The following ACSM3 variants were observed in gnomAD, a reference collection of about 807,000 sequenced individuals.
ACSM3 encodes acyl-coenzyme A synthetase ACSM3, mitochondrial.
Under a neutral mutation model 74.1 loss-of-function variants are expected in ACSM3, and 61 were observed. That is an observed-to-expected ratio of 0.82 (90% CI 0.67 to 1.02). ACSM3 has a LOEUF of 1.02. ACSM3 is among the 50% of genes least tolerant of loss of function. The pLI is 0.00. For missense variants in ACSM3, 660 were observed against 697.0 expected, an observed-to-expected ratio of 0.95 and a Z score of 0.60; for synonymous variants, 213 against 241.5, an observed-to-expected ratio of 0.88 and a Z score of 1.09.
chr16:20,792,122 TCCTCTGGGTAA>T lies in ACSM3; in HGVS notation c.1449_1454+5del. 6.2e-7 allele frequency: 1 copy of T among 1,614,166 alleles called. No homozygotes were observed. Among genetic ancestry groups the T allele is most frequent in the South Asian group, 1.1e-5 (1 of 91,090 alleles). ...TGCAAGAGCAGATGATGTCATATTA[TCCTCTGGGTAA>T]CTTTCTTTTCCATATGTGCATATGT... On this transcript the variant is annotated splice_donor_variant and splice_donor_region_variant and coding_sequence_variant and intron_variant, in exon 11 of 14. Coordinates refer to ENST00000289416, the MANE Select transcript of ACSM3 (RefSeq NM_005622.4). LOFTEE classifies it high-confidence loss of function.
intron 7 of ACSM3, among the ~76,000 whole-genome samples, chr16:20,783,893 C>A (rs910320256): frequency 6.6e-6 from 1 of 152,024 alleles, no homozygotes; most frequent in African/African-American, 2.4e-5. Flanking sequence ...CTGCAACCTC[C>A]GCCTCCTGTT....
At chr16:20,753,214 C>T (rs1397854280) in intron 2 of ACSM3, among the ~76,000 whole-genome samples, 1 of 151,584 alleles carries the variant, frequency 6.6e-6, no homozygotes, top group African/African-American at 2.4e-5. Flanking sequence ...CCTGTAATCC[C>T]AGCACTTTGG....
intron 1 of ACSM3, chr16:20,736,902 G>T: frequency 6.2e-7 from 1 of 1,614,030 alleles, no homozygotes; most frequent in South Asian, 1.1e-5. Flanking sequence ...ATTTTCATTT[G>T]ACTTGGATCC....
chr16:20,796,918 C>A lies in ACSM3; in HGVS notation c.1707C>A (p.Ile569=). ...TTATTCAAGAGCTGCCAAAGACTAT[C>A]AGTGGGAAGACAAAAAGAAATGAAC... ...VEFIQELPKT[I]SGKTKRNELR... The change falls in exon 14 of 14, where the codon ATC becomes ATA. Residue 569 remains isoleucine (I), a synonymous_variant. Transcript: ENST00000289416. 2 of 1,612,596 alleles carry A rather than the reference C, an allele frequency of 1.2e-6. No individual in the cohort carries two copies. The highest frequency in any genetic ancestry group is 1.7e-6 in the Non-Finnish European group (2 of 1,179,398).
At chr16:20,781,663 T>C (rs560395088) in intron 6 of ACSM3, 45 bp from the exon 7 acceptor site, 38 of 1,411,442 alleles carry the variant, frequency 2.7e-5, no homozygotes, top group Middle Eastern at 3.5e-4. Context: ...TAAGCACTTA[T>C]TTAAGTTGTA....
chr16:20,768,853 G>A (rs552050240), intron 1 of ACSM3, among the ~76,000 whole-genome samples: 1 of 152,206 alleles, frequency 6.6e-6, no homozygotes, highest in East Asian at 1.9e-4. Flanking sequence ...GAAACCAGAT[G>A]GTGTCAGAGG....
chr16:20,760,554 T>C (rs893197532), upstream of ACSM3, among the ~76,000 whole-genome samples: 2 of 152,172 alleles, frequency 1.3e-5, no homozygotes, highest in South Asian at 2.1e-4. Context: ...CCTAAACTTA[T>C]CGGTCTTGTG....
chr16:20,724,413 A>C (rs1265269253), intron 1 of ACSM3, among the ~76,000 whole-genome samples: 2 of 152,232 alleles, frequency 1.3e-5, no homozygotes, highest in African/African-American at 4.8e-5. Flanking sequence ...ACAAACCCAC[A>C]GCCAATATCA....
chr16:20,706,111 TA>T (rs1021684822), intron 1 of ACSM3, among the ~76,000 whole-genome samples: 3 of 151,678 alleles, frequency 2.0e-5, no homozygotes, highest in African/African-American at 7.3e-5. Context: ...TGTGTATACA[TA>T]AAAATTGGAG....
intron 1 of ACSM3, among the ~76,000 whole-genome samples, chr16:20,723,294 T>C (rs888637700): frequency 3.6e-4 from 55 of 152,230 alleles, no homozygotes; most frequent in African/African-American, 1.3e-3. Context: ...TGTTGGACAT[T>C]TGGGTTGGTT....
rs745398797 is a variant in ACSM3 at position 20,790,557 on chromosome 16, C to A, written c.1225-30C>A. 2.0e-5 allele frequency: 31 copies of A among 1,576,356 alleles called. No homozygotes were observed. The Admixed American group carries it at 5.5e-4, about 28-fold the overall frequency. On this transcript the variant is annotated intron_variant, in intron 9 of 13. Transcript: ENST00000289416. The surrounding 1 kb of genome is among the most constrained non-coding windows in gnomAD (Gnocchi z 4.0). The stretch of plus-strand genomic sequence containing the variant: ...AAGCTGCGACATTAAACAAAAATTT[C>A]CTTAAATAAATTGTTCTATTTTATC...
chr16:20,781,053 G>GT lies in ACSM3; in HGVS notation c.868dup (p.Ser290PhefsTer18), dbSNP rs772738496. On this transcript the variant is annotated frameshift_variant, in exon 6 of 14. Transcript: ENST00000289416. LOFTEE classifies it high-confidence loss of function. ...CTGGGCAAAGTCTGCATGGAGTAGTGTTTTTTCTCCGTGGATCCAGGGAGC... is the reference window on the plus strand; with the variant it reads ...CTGGGCAAAGTCTGCATGGAGTAGTGTTTTTTTCTCCGTGGATCCAGGGAGC... The GT allele has an allele frequency of 3.7e-6, 6 of 1,614,038 alleles. No homozygotes were observed. The highest frequency in any genetic ancestry group is 1.3e-5 in the African/African-American group (1 of 74,916).
chr16:20,729,198 A>C (rs1567326212), intron 1 of ACSM3: 1 of 742,340 alleles, frequency 1.3e-6, no homozygotes, highest in East Asian at 2.6e-5. Context: ...TTCTGACCAA[A>C]CTAATCCCCA....
At position 20,729,151 on chromosome 16, in the gene ACSM3, T is replaced by C. The variant is rs1264627607; in HGVS notation, c.-189-20759T>C. On this transcript the variant is annotated intron_variant, in intron 1 of 3. Coordinates refer to the ACSM3 transcript ENST00000561584. The stretch of plus-strand genomic sequence containing the variant: ...TTTCCTTTAGAAGTACAATTTGTAA[T>C]GTACTTGTCACTTAATGAGTGTTAT... 2.8e-5 allele frequency: 16 copies of C among 575,744 alleles called. No individual in the cohort carries two copies. In the East Asian group the frequency reaches 4.7e-4, roughly 17 times the overall value. 35.7% of individuals were successfully genotyped at this position (575,744 alleles called of 1,614,324 possible).
At chr16:20,678,674 G>T (rs2079368215) in intron 1 of ACSM3, among the ~76,000 whole-genome samples, 1 of 152,224 alleles carries the variant, frequency 6.6e-6, no homozygotes, top group Non-Finnish European at 1.5e-5. Flanking sequence ...AACATTTGTG[G>T]CTGAAATAGT....
At chr16:20,690,902 TA>T (rs759296926) in intron 1 of ACSM3, 101 of 1,204,394 alleles carry the variant, frequency 8.4e-5, no homozygotes, top group Non-Finnish European at 1.1e-4. Context: ...GAGGCAGAAG[TA>T]ACTTTGGTTC....
intron 1 of ACSM3, chr16:20,749,616 A>ATGG (rs1411517123): frequency 2.0e-5 from 3 of 152,424 alleles, no homozygotes; most frequent in Non-Finnish European, 4.4e-5. Context: ...GTAGAGACAG[A>ATGG]TGGCAAGGCA....
At chr16:20,741,380 G>GC in intron 1 of ACSM3, 1 of 1,193,430 alleles carries the variant, frequency 8.4e-7, no homozygotes, top group Non-Finnish European at 1.1e-6. Context: ...CGCCGGCGAG[G>GC]CCACGCCCCT....
At chr16:20,791,499 G>A (rs993605557) in intron 10 of ACSM3, among the ~76,000 whole-genome samples, 1 of 152,164 alleles carries the variant, frequency 6.6e-6, no homozygotes, top group East Asian at 1.9e-4. Context: ...ACTAATCTTT[G>A]TAACTGTAGT....
Sources: allele counts gnomAD v4.1 joint callset (sites outside exome capture counted in the v4.1 genomes callset), GRCh38; gene constraint gnomAD v4.1.1; non-coding constraint Gnocchi (gnomAD v3.1); transcripts MANE v1.5; gene names NCBI Gene and HGNC (gene_info 2026-07-23, HGNC 2026-07-21).